RGS14: variants seen among roughly 807,000 people sequenced by gnomAD.
RGS14 encodes the protein regulator of G protein signaling 14, also known as regulator of G-protein signaling 14.
RGS14 carries 33 observed loss-of-function variants against 63.8 expected under a neutral mutation model. That is an observed-to-expected ratio of 0.52 (90% confidence interval 0.39 to 0.69). RGS14 has a LOEUF of 0.69. Among genes scored for constraint, RGS14 ranks in the 30% least tolerant of loss-of-function variants. RGS14 has a pLI of 0.00. For missense variants in RGS14, 739 were observed against 742.9 expected (o/e 0.99, Z 0.06); for synonymous variants, 296 against 320.9 (o/e 0.92, Z 0.83).
chr5:177,371,237 A>G lies in RGS14; in HGVS notation c.1327A>G (p.Thr443Ala), dbSNP rs770860947. 2.1e-5 allele frequency: 34 copies of G among 1,613,180 alleles called. No individual in the cohort carries two copies. Among genetic ancestry groups the G allele is most frequent in the Non-Finnish European group, 2.9e-5 (34 of 1,179,768 alleles). The change falls in exon 12 of 15, where the codon ACT becomes GCT. Residue 443 changes from threonine to alanine, a missense_variant. Transcript: ENST00000408923. The surrounding 1 kb of genome is among the most constrained non-coding windows in gnomAD (Gnocchi z 6.1). ...GGCGGCCCAGAGACTGGTTTTGGAC[A>G]CTCTTCCAGGTAGGGGACGCTGGCC... Reference protein sequence around the residue: ...SVAAQRLVLDTLPGVKISKAR... With the variant: ...SVAAQRLVLDALPGVKISKAR...
Position 177,359,461 on chromosome 5 carries a change from G to A in RGS14, c.45+1392G>A, listed in dbSNP as rs1178528727. 1.3e-5 allele frequency among the ~76,000 whole-genome samples: 2 copies of A among 152,206 alleles called. No homozygotes were observed. The highest frequency in any genetic ancestry group is 4.8e-5 in the African/African-American group (2 of 41,456). ...ACCCTGGGAGGGCAACTGGATTGATGCTTCTGGGACAGTGCCTAGAACTAC... is the reference window on the plus strand; with the variant it reads ...ACCCTGGGAGGGCAACTGGATTGATACTTCTGGGACAGTGCCTAGAACTAC... On this transcript the variant is annotated intron_variant, in intron 1 of 14. Coordinates refer to ENST00000408923, the MANE Select transcript of RGS14 (RefSeq NM_006480.5). The surrounding 1 kb of genome is among the most constrained non-coding windows in gnomAD (Gnocchi z 4.4).
Position 177,367,463 on chromosome 5 carries a change from C to G in RGS14, c.533C>G (p.Pro178Arg), listed in dbSNP as rs1257302776. The G allele has an allele frequency of 2.5e-6, 4 of 1,612,320 alleles. No individual in the cohort carries two copies. The highest frequency in any genetic ancestry group is 1.1e-5 in the South Asian group (1 of 90,684). The change falls in exon 6 of 15, where the codon CCG (proline) becomes CGG (arginine). Residue 178 changes from proline (P) to arginine (R), a missense_variant. Pro to Arg is a moderately radical substitution (Grantham distance 103). Transcript: ENST00000408923. ...FDSYARFVKSPLYRECLLAEA... is the reference protein window; with the variant it reads ...FDSYARFVKSRLYRECLLAEA... The stretch of plus-strand genomic sequence containing the variant: ...AGCTATGCGCGCTTCGTCAAGTCCC[C>G]GCTGTACCGCGAGTGCCTGCTAGCC...
chr5:177,366,582 G>T, intron 3 of RGS14, 126 bp from the exon 4 acceptor site: 3 of 926,104 alleles, frequency 3.2e-6, no homozygotes, highest in Non-Finnish European at 5.1e-6. Flanking sequence ...CCGTCTGTCT[G>T]TCTGGCCCTG....
At position 177,358,235 on chromosome 5, in the gene RGS14, C is replaced by T. The variant is rs566934912; in HGVS notation, c.45+166C>T. On this transcript the variant is annotated intron_variant, in intron 1 of 14. Transcript: ENST00000408923. The surrounding 1 kb of genome is among the most constrained non-coding windows in gnomAD (Gnocchi z 4.8). ...GTGGTAGGACCTGGTGCTCTCACCC[C>T]TAGACCCTTCCAGATGGCCCAGCCG... 6.6e-6 allele frequency among the ~76,000 whole-genome samples: 1 copy of T among 152,240 alleles called. No homozygotes were observed. Among genetic ancestry groups the T allele is most frequent in the African/African-American group, 2.4e-5 (1 of 41,466 alleles).
chr5:177,361,298 G>C (rs1761960957), intron 1 of RGS14, among the ~76,000 whole-genome samples: 2 of 152,220 alleles, frequency 1.3e-5, no homozygotes, highest in Non-Finnish European at 2.9e-5. Context: ...CCTCAAGCTA[G>C]GATGAAATCC....
chr5:177,367,577 G>A lies in RGS14; in HGVS notation c.627+20G>A. On this transcript the variant is annotated intron_variant, in intron 6 of 14. Coordinates refer to ENST00000408923, the MANE Select transcript of RGS14 (RefSeq NM_006480.5). ...AGGAAGGTGCGTGGGACTGGGCGAG[G>A]GACTGGGCGAGGCAGGGGGTCCTGC... 1 of 1,597,442 alleles carries A rather than the reference G, an allele frequency of 6.3e-7. No individual in the cohort carries two copies. The highest frequency in any genetic ancestry group is 8.5e-7 in the Non-Finnish European group (1 of 1,171,074).
rs1406410336 is a variant in RGS14, at chr5:177,364,660, G to A, written c.46-1303G>A. 2.0e-5 allele frequency among the ~76,000 whole-genome samples: 3 copies of A among 152,210 alleles called. No individual in the cohort carries two copies. The highest frequency in any genetic ancestry group is 7.2e-5 in the African/African-American group (3 of 41,456). ...CCCAGGACAGAGCCAGAGAGGGGTT[G>A]AGGCCACATTGCATGAGTGGGAGAT... is the stretch of plus-strand genomic sequence containing the variant. On this transcript the variant is annotated intron_variant, in intron 1 of 14. Transcript: ENST00000408923. This position sits in a 1 kb window ranked among gnomAD's most constrained non-coding sequence, Gnocchi z 4.6.
Position 177,370,887 on chromosome 5 carries a change from C to T in RGS14, c.1128-18C>T. The T allele has an allele frequency of 6.3e-7, 1 of 1,595,862 alleles. No homozygotes were observed. ...GGGCCGGCCCTCCGGCCCTCTGCTG[C>T]CCGAGGGTTCCTCGCAGGCTGGAGC... On this transcript the variant is annotated intron_variant, in intron 10 of 14. Coordinates refer to ENST00000408923, the MANE Select transcript of RGS14 (RefSeq NM_006480.5).
intron 3 of RGS14, 150 bp from the exon 4 acceptor site, chr5:177,366,558 A>C (rs1368013837): frequency 2.4e-6 from 2 of 829,654 alleles, no homozygotes; most frequent in Non-Finnish European, 3.9e-6. Context: ...CCCTGTCTTC[A>C]GATCGGTCTG....
At chr5:177,362,010 C>T (rs1251124991) in intron 1 of RGS14, among the ~76,000 whole-genome samples, 1 of 152,182 alleles carries the variant, frequency 6.6e-6, no homozygotes, top group Non-Finnish European at 1.5e-5. Flanking sequence ...CACACCTGCA[C>T]CTCACTCCGC....
rs770090632 is a variant in RGS14, at chr5:177,359,248, G to A, written c.45+1179G>A. Among the ~76,000 whole-genome samples the A allele has an allele frequency of 1.2e-4, 18 of 151,892 alleles. No individual in the cohort carries two copies. The highest frequency in any genetic ancestry group is 1.6e-4 in the Non-Finnish European group (11 of 67,960). ...TTTCCTGCCCAGCCCCGGGCTGGCC[G>A]GCTGGGAGAGAGGCCACCCTTCAAA... On this transcript the variant is annotated intron_variant, in intron 1 of 14. Coordinates refer to ENST00000408923, the MANE Select transcript of RGS14 (RefSeq NM_006480.5). The surrounding 1 kb of genome is among the most constrained non-coding windows in gnomAD (Gnocchi z 4.4).
In RGS14 at chr5:177,358,097, C is replaced by A; in HGVS notation, c.45+28C>A. Reference sequence around the variant, plus strand: ...GAGTGTGGGCTCCGGGCCAGGGCCACGAGGAGGGGGTGGGCACACCCAGGG... The same window carrying A: ...GAGTGTGGGCTCCGGGCCAGGGCCAAGAGGAGGGGGTGGGCACACCCAGGG... On this transcript the variant is annotated intron_variant, in intron 1 of 14. Transcript: ENST00000408923. This position sits in a 1 kb window ranked among gnomAD's most constrained non-coding sequence, Gnocchi z 4.8. 7.5e-7 allele frequency: 1 copy of A among 1,332,204 alleles called. No homozygotes were observed. Among genetic ancestry groups the A allele is most frequent in the African/African-American group, 1.5e-5 (1 of 65,892 alleles). The allele number at this position is 1,332,204 out of a possible 1,614,324, so 82.5% of individuals were successfully genotyped here. A position where few individuals can be genotyped will look rare whatever the true frequency, so the allele number is the denominator to read the frequency against.
chr5:177,365,214 C>T (rs888527199), intron 1 of RGS14, among the ~76,000 whole-genome samples: 3 of 152,124 alleles, frequency 2.0e-5, no homozygotes, highest in Admixed American at 6.5e-5. Context: ...TTTATTGAGA[C>T]GGAGCTTTGC....
At position 177,364,037 on chromosome 5, in the gene RGS14, A is replaced by C. The variant is rs919635892; in HGVS notation, c.46-1926A>C. ...TTTAAATAAAAATAATAATCATCAT[A>C]ATAAAACCTGAGAGGGCCAAGGTAA... On this transcript the variant is annotated intron_variant, in intron 1 of 14. Coordinates refer to ENST00000408923, the MANE Select transcript of RGS14 (RefSeq NM_006480.5). This position sits in a 1 kb window ranked among gnomAD's most constrained non-coding sequence, Gnocchi z 4.6. 3.9e-5 allele frequency among the ~76,000 whole-genome samples: 6 copies of C among 152,208 alleles called. No homozygotes were observed. Among genetic ancestry groups the C allele is most frequent in the Non-Finnish European group, 7.3e-5 (5 of 68,034 alleles).
rs1213320322 is a variant in RGS14 at position 177,367,820 on chromosome 5, G to C, written c.734G>C (p.Arg245Pro). Residue 245 changes from arginine to proline, a missense_variant, in exon 7 of 15, where the codon CGC becomes CCC. Physicochemically the swap from Arg to Pro is moderately radical, Grantham distance 103. Transcript: ENST00000408923. ...PGGRPLRKSF[R>P]RELGGTANAA... Reference sequence around the variant, plus strand: ...GGCCGCCCTCTCCGCAAGTCCTTCCGCCGGGGTGAGGGCAGGAGCGAGCAA... The same window carrying C: ...GGCCGCCCTCTCCGCAAGTCCTTCCCCCGGGGTGAGGGCAGGAGCGAGCAA... 6.3e-7 allele frequency: 1 copy of C among 1,590,748 alleles called. No homozygotes were observed. The highest frequency in any genetic ancestry group is 8.6e-7 in the Non-Finnish European group (1 of 1,168,210).
At chr5:177,363,473 G>A (rs1313483268) in intron 1 of RGS14, among the ~76,000 whole-genome samples, 1 of 152,178 alleles carries the variant, frequency 6.6e-6, no homozygotes, top group African/African-American at 2.4e-5. Flanking sequence ...GAAAAAGTCA[G>A]GGCTGGGGTT....
chr5:177,369,161 G>T, intron 9 of RGS14: 6 of 550,906 alleles, frequency 1.1e-5, no homozygotes, highest in Middle Eastern at 4.3e-4. Flanking sequence ...AAACTGGAGA[G>T]AACCACTGTT....
chr5:177,366,605 G>T (rs976097303), intron 3 of RGS14, 103 bp from the exon 4 acceptor site: 2 of 1,110,486 alleles, frequency 1.8e-6, no homozygotes, highest in Non-Finnish European at 2.7e-6. Context: ...TGTCTGGCTT[G>T]GTCTCTTGGC....
intron 9 of RGS14, 102 bp from the exon 10 acceptor site, chr5:177,370,489 C>G: frequency 9.9e-7 from 1 of 1,005,636 alleles, no homozygotes; most frequent in South Asian, 1.3e-5. Context: ...CTCTAGGAAG[C>G]CCAGTGGTGG....
Sources: gnomAD v4.1 joint callset for allele counts (sites outside exome capture counted in the v4.1 genomes callset) on GRCh38, gnomAD v4.1.1 for gene constraint, Gnocchi (gnomAD v3.1) non-coding constraint, MANE v1.5 for transcripts, NCBI Gene and HGNC (gene_info 2026-07-23, HGNC 2026-07-21) for gene names.